Variants in PCDHA5 observed in about 807,000 individuals in gnomAD.
The protein encoded by PCDHA5 is protocadherin alpha 5.
In PCDHA5, 43 loss-of-function variants were observed where a neutral mutation model predicts 61.6. The ratio of observed to expected loss-of-function variants is 0.70; its 90% CI spans 0.55 to 0.90. The LOEUF is 0.90. PCDHA5 is among the 40% of genes least tolerant of loss of function. The pLI, the probability that PCDHA5 is intolerant of heterozygous loss-of-function variation, is 0.00. For missense variants in PCDHA5, 1,298 were observed against 1,222.7 expected (o/e 1.06, Z -0.92); for synonymous variants, 627 against 543.9 (o/e 1.15, Z -2.13).
chr5:140,856,012 G>T, intron 1 of PCDHA5: 1 of 1,547,012 alleles, frequency 6.5e-7, no homozygotes, highest in Non-Finnish European at 8.8e-7. Context: ...GTTCTAGACC[G>T]CTGATTCGTC....
chr5:140,906,761 A>G (rs896512633), intron 1 of PCDHA5, among the ~76,000 whole-genome samples: 2 of 152,204 alleles, frequency 1.3e-5, no homozygotes, highest in Non-Finnish European at 2.9e-5. Flanking sequence ...GGTAATACTA[A>G]GAGACACCCT....
At position 140,870,595 on chromosome 5, in the gene PCDHA5, T is replaced by G. The variant is rs573002634; in HGVS notation, c.2352+46468T>G. ...GTCCTACTCGCTGGTGGAGCGGCGG[T>G]TGGGCGACCGCGCGCTGTCGAGCTA... On this transcript the variant is annotated intron_variant, in intron 1 of 3. Transcript: ENST00000529859. The G allele has an allele frequency of 8.9e-5, 144 of 1,613,242 alleles. No homozygotes were observed. The South Asian group carries it at 9.4e-4, about 11-fold the overall frequency.
At chr5:140,959,607 C>T (rs2095500489) in intron 1 of PCDHA5, among the ~76,000 whole-genome samples, 1 of 151,986 alleles carries the variant, frequency 6.6e-6, no homozygotes, top group African/African-American at 2.4e-5. Flanking sequence ...ACATGCTTTT[C>T]TTGCTTGTGA....
chr5:140,896,485 C>T (rs1259028670), intron 1 of PCDHA5, among the ~76,000 whole-genome samples: 1 of 152,032 alleles, frequency 6.6e-6, no homozygotes, highest in African/African-American at 2.4e-5. Flanking sequence ...GCCTCAGCCT[C>T]CTGAGTAGCT....
At position 140,822,445 on chromosome 5, in the gene PCDHA5, A is replaced by G; in HGVS notation, c.670A>G (p.Thr224Ala). The change falls in exon 1 of 4, where the codon ACA becomes GCA. Residue 224 changes from threonine (T) to alanine (A), a missense_variant. Transcript: ENST00000529859. ...TGGAGGAAAACCCGAACTAACAGGTACAGTTCAGTTGTTGATCAATGTATT... is the reference window on the plus strand; with the variant it reads ...TGGAGGAAAACCCGAACTAACAGGTGCAGTTCAGTTGTTGATCAATGTATT... ...TDGGKPELTG[T>A]VQLLINVLDA... is the part of the protein sequence containing the mutation. 6.2e-7 allele frequency: 1 copy of G among 1,613,728 alleles called. No individual in the cohort carries two copies. The highest frequency in any genetic ancestry group is 8.5e-7 in the Non-Finnish European group (1 of 1,179,736).
chr5:140,869,724 A>G (rs1554163381), intron 1 of PCDHA5: 1 of 1,613,416 alleles, frequency 6.2e-7, no homozygotes. Flanking sequence ...AAACTCCGGA[A>G]CTTAATTTGC....
intron 1 of PCDHA5, chr5:140,841,869 A>G (rs1223944877): frequency 6.2e-7 from 1 of 1,613,734 alleles, no homozygotes; most frequent in African/African-American, 1.3e-5. Flanking sequence ...CTAGATGTGA[A>G]TTCAAAGAAC....
chr5:140,862,677 G>T, intron 1 of PCDHA5: 1 of 550,930 alleles, frequency 1.8e-6, no homozygotes. Context: ...AGGAGAACGT[G>T]CTGGTGTCCT....
intron 1 of PCDHA5, among the ~76,000 whole-genome samples, chr5:140,897,960 T>C (rs2066423336): frequency 6.6e-6 from 1 of 152,276 alleles, no homozygotes; most frequent in South Asian, 2.1e-4. Flanking sequence ...CATTTTTTCA[T>C]GTGTCTTTTG....
At chr5:140,925,689 G>C (rs1341368297) in intron 1 of PCDHA5, among the ~76,000 whole-genome samples, 1 of 147,806 alleles carries the variant, frequency 6.8e-6, no homozygotes, top group Non-Finnish European at 1.5e-5. Flanking sequence ...AGCGAGGGTG[G>C]GTATCTAGCC....
chr5:140,943,679 A>C (rs973228943), intron 1 of PCDHA5, among the ~76,000 whole-genome samples: 3 of 152,248 alleles, frequency 2.0e-5, no homozygotes, highest in African/African-American at 7.2e-5. Context: ...TGTGAAAAAA[A>C]GGGATAAGGT....
chr5:140,968,022 A>G (rs782399233), intron 1 of PCDHA5: 3 of 1,614,142 alleles, frequency 1.9e-6, no homozygotes, highest in South Asian at 2.2e-5. Flanking sequence ...GGAAACTCCT[A>G]TACACTGGTG....
At chr5:140,876,950 C>A in intron 1 of PCDHA5, 1 of 1,613,514 alleles carries the variant, frequency 6.2e-7, no homozygotes, top group Non-Finnish European at 8.5e-7. Context: ...GTGTCCTACT[C>A]GCTGGTGGAG....
chr5:141,005,821 C>T (rs557161446), intron 3 of PCDHA5, among the ~76,000 whole-genome samples: 1 of 150,884 alleles, frequency 6.6e-6, no homozygotes, highest in African/African-American at 2.4e-5. Context: ...GGTATGGTGG[C>T]CTGTAGTCCC....
chr5:140,850,992 G>T, intron 1 of PCDHA5: 1 of 1,444,816 alleles, frequency 6.9e-7, no homozygotes, highest in Non-Finnish European at 9.2e-7. Context: ...CATTTTTCTA[G>T]AAATCCAGCA....
chr5:140,985,389 C>T (rs1376347712), intron 3 of PCDHA5, among the ~76,000 whole-genome samples: 1 of 152,266 alleles, frequency 6.6e-6, no homozygotes, highest in African/African-American at 2.4e-5. Context: ...AATCCAGTCA[C>T]CCCAACTGTT....
chr5:140,851,882 G>A lies in PCDHA5; in HGVS notation c.2352+27755G>A. ...CATACATAACACAAGGCAGAAATCT[G>A]GATATGAGATTTGCCTCTTTAATGT... On this transcript the variant is annotated intron_variant, in intron 1 of 3. Transcript: ENST00000529859. The A allele has an allele frequency of 2.0e-6, 2 of 976,778 alleles. 1 individual carries two copies. Among genetic ancestry groups the A allele is most frequent in the Non-Finnish European group, 2.5e-6 (2 of 809,414 alleles). The allele number at this position is 976,778 out of a possible 1,614,324, so 60.5% of individuals were successfully genotyped here. A position where few individuals can be genotyped will look rare whatever the true frequency, so the allele number is the denominator to read the frequency against.
chr5:140,859,825 T>C (rs752840072), intron 1 of PCDHA5: 1 of 152,250 alleles, frequency 6.6e-6, no homozygotes, highest in Admixed American at 6.5e-5. Flanking sequence ...AGTTTAGAAG[T>C]GTATTTGTTA....
intron 1 of PCDHA5, among the ~76,000 whole-genome samples, chr5:140,895,002 A>C (rs1003440406): frequency 6.6e-6 from 1 of 152,030 alleles, no homozygotes; most frequent in Non-Finnish European, 1.5e-5. Flanking sequence ...TACCCTTTTT[A>C]CTTGGACCTT....
Sources: gnomAD v4.1 joint callset for allele counts (sites outside exome capture counted in the v4.1 genomes callset) on GRCh38, gnomAD v4.1.1 for gene constraint, MANE v1.5 for transcripts, NCBI Gene and HGNC (gene_info 2026-07-23, HGNC 2026-07-21) for gene names.